TAF1A: variants seen among roughly 807,000 people sequenced by gnomAD.
TAF1A encodes TATA-box binding protein associated factor, RNA polymerase I subunit A.
In TAF1A, 42 loss-of-function variants were observed where a neutral mutation model predicts 61.6. That is an observed-to-expected ratio of 0.68 (90% confidence interval 0.53 to 0.88). The LOEUF is 0.88. Ranked by LOEUF, TAF1A falls within the 40% of genes least tolerant of loss-of-function variation. The pLI is 0.00. For missense variants in TAF1A, 424 were observed against 518.7 expected (o/e 0.82, Z 1.77); for synonymous variants, 179 against 177.7 (o/e 1.01, Z -0.06).
In TAF1A at chr1:222,579,809, TG is replaced by T; in HGVS notation, c.354del (p.Phe118LeufsTer8). On this transcript the variant is annotated frameshift_variant, in exon 4 of 11. Coordinates refer to ENST00000352967, the MANE Select transcript of TAF1A (RefSeq NM_005681.4). LOFTEE classifies it high-confidence loss of function. ...TTTTTCATCCGGTTAGCAAAAGTATTGAAACTCTCCATGTTGCTTTTGGGAT... is the reference window on the plus strand; with the variant it reads ...TTTTTCATCCGGTTAGCAAAAGTATTAAACTCTCCATGTTGCTTTTGGGAT... ...FYHPKSNMES[F>X]NTFANRMKNI... is the part of the protein sequence containing the mutation. The T allele has an allele frequency of 6.2e-7, 1 of 1,612,136 alleles. No homozygotes were observed. The highest frequency in any genetic ancestry group is 8.5e-7 in the Non-Finnish European group (1 of 1,179,516).
chr1:222,557,595 C>T (rs982756975), downstream of TAF1A, among the ~76,000 whole-genome samples: 18 of 149,064 alleles, frequency 1.2e-4, no homozygotes, highest in South Asian at 1.1e-3. Context: ...GGACTACAAG[C>T]GCGCACCACC....
intron 2 of TAF1A, among the ~76,000 whole-genome samples, chr1:222,585,912 T>G (rs1403751357): frequency 6.6e-6 from 1 of 152,152 alleles, no homozygotes; most frequent in Admixed American, 6.5e-5. Context: ...CATTTAAAAA[T>G]ACCAACATGC....
intron 5 of TAF1A, among the ~76,000 whole-genome samples, chr1:222,571,065 C>T (rs78750183): frequency 6.6e-6 from 1 of 152,032 alleles, no homozygotes; most frequent in Non-Finnish European, 1.5e-5. Context: ...ATCTGAAAAT[C>T]AATTAATGCA....
rs919665523 is a variant in TAF1A, at chr1:222,570,471, A to T, written c.735+64T>A. On this transcript the variant is annotated intron_variant, in intron 6 of 10. Coordinates refer to ENST00000352967, the MANE Select transcript of TAF1A (RefSeq NM_005681.4). ...TCTTTCTGATCAATAAAGATTAGGC[A>T]TGCAGTCTTTGTATAGGCTTTTGAC... The T allele has an allele frequency of 4.9e-6, 7 of 1,415,274 alleles. No individual in the cohort carries two copies. The African/African-American group carries it at 1.0e-4, about 20-fold the overall frequency. The allele number at this position is 1,415,274 out of a possible 1,614,324, so 87.7% of individuals were successfully genotyped here. A position where few individuals can be genotyped will look rare whatever the true frequency, so the allele number is the denominator to read the frequency against.
At chr1:222,566,980 C>CG (rs1195306062) in intron 7 of TAF1A, among the ~76,000 whole-genome samples, 1 of 152,176 alleles carries the variant, frequency 6.6e-6, no homozygotes, top group Non-Finnish European at 1.5e-5. Flanking sequence ...GCAGCGAACT[C>CG]CAACAAATAC....
chr1:222,585,268 C>A (rs1660963920), intron 2 of TAF1A, among the ~76,000 whole-genome samples: 1 of 151,926 alleles, frequency 6.6e-6, no homozygotes, highest in Non-Finnish European at 1.5e-5. Flanking sequence ...ATTCACAGAC[C>A]TGATACACGG....
chr1:222,564,014 C>A, intron 8 of TAF1A, 45 bp downstream of exon 8: 1 of 1,224,384 alleles, frequency 8.2e-7, no homozygotes, highest in South Asian at 1.2e-5. Flanking sequence ...GGTCCCTAGT[C>A]TATAGCTTGT....
At chr1:222,554,621 T>G (rs181566844), downstream of TAF1A, among the ~76,000 whole-genome samples, 776 of 152,324 alleles carry the variant, frequency 5.1e-3, 33 homozygotes, top group Admixed American at 0.045. Context: ...TTGCTTTTCC[T>G]TTTTCAAAAA....
chr1:222,565,124 T>C (rs1462189991), intron 7 of TAF1A, among the ~76,000 whole-genome samples: 1 of 152,236 alleles, frequency 6.6e-6, no homozygotes, highest in Non-Finnish European at 1.5e-5. Flanking sequence ...ATCCTCCATT[T>C]GTTTTGAAAA....
chr1:222,585,345 C>T (rs1162409374), intron 2 of TAF1A, among the ~76,000 whole-genome samples: 1 of 149,630 alleles, frequency 6.7e-6, no homozygotes, highest in Non-Finnish European at 1.5e-5. Flanking sequence ...GAATTTATGT[C>T]AATTAAAAAA....
At chr1:222,588,612 C>T (rs202222135) in intron 1 of TAF1A, 47 bp from the exon 2 acceptor site, 1 of 1,593,626 alleles carries the variant, frequency 6.3e-7, no homozygotes, top group East Asian at 2.2e-5. Context: ...TCTTAATCCA[C>T]AGTCTTCTGA....
At position 222,588,444 on chromosome 1, in the gene TAF1A, C is replaced by T. The variant is rs776262005; in HGVS notation, c.120G>A (p.Val40=). ...FPWLQTYVET[V]AIGGKRRKDF... Reference sequence around the variant, plus strand: ...GCTCAATGTTATTATTTTACTTACCCACAGTTTCTACGTATGTTTGAAGCC... The same window carrying T: ...GCTCAATGTTATTATTTTACTTACCTACAGTTTCTACGTATGTTTGAAGCC... The change falls in exon 2 of 11, where the codon GTG becomes GTA. Residue 40 remains valine, a splice_region_variant and synonymous_variant. Transcript: ENST00000352967. The T allele has an allele frequency of 3.1e-6, 5 of 1,611,970 alleles. No individual in the cohort carries two copies. The highest frequency in any genetic ancestry group is 1.1e-5 in the South Asian group (1 of 90,532).
chr1:222,563,123 G>C (rs528600804), intron 9 of TAF1A, 50 bp downstream of exon 9: 1 of 1,468,048 alleles, frequency 6.8e-7, no homozygotes, highest in Admixed American at 2.2e-5. Flanking sequence ...CTAAAATATT[G>C]GGAAATATTA....
At chr1:222,560,618 A>G (rs1659874973) in intron 10 of TAF1A, among the ~76,000 whole-genome samples, 1 of 152,344 alleles carries the variant, frequency 6.6e-6, no homozygotes, top group Middle Eastern at 3.4e-3. Flanking sequence ...TTCTTAATCA[A>G]CATTGTATTA....
intron 4 of TAF1A, among the ~76,000 whole-genome samples, chr1:222,577,922 T>C (rs1005571416): frequency 1.3e-5 from 2 of 152,212 alleles, no homozygotes; most frequent in African/African-American, 4.8e-5. Flanking sequence ...TCTTGGTTCA[T>C]ACACCACTTA....
At chr1:222,568,124 C>T (rs1159905755) in intron 7 of TAF1A, among the ~76,000 whole-genome samples, 2 of 144,324 alleles carry the variant, frequency 1.4e-5, no homozygotes, top group East Asian at 4.1e-4. Flanking sequence ...ACACTACCCA[C>T]AAAAAAATAG....
At chr1:222,560,073 C>T (rs1046113592) in intron 10 of TAF1A, among the ~76,000 whole-genome samples, 3 of 152,032 alleles carry the variant, frequency 2.0e-5, no homozygotes, top group Non-Finnish European at 2.9e-5. Context: ...AAGGAAAGAC[C>T]CCTCCAAGGA....
chr1:222,572,522 T>TAA (rs1271803143), intron 5 of TAF1A, among the ~76,000 whole-genome samples: 1 of 152,126 alleles, frequency 6.6e-6, no homozygotes, highest in Non-Finnish European at 1.5e-5. Context: ...CACACTCAGC[T>TAA]AATTTTTGTA....
At chr1:222,557,877 TTTG>T (rs1243239750), downstream of TAF1A, 3 of 125,518 alleles carry the variant, frequency 2.4e-5, no homozygotes, top group African/African-American at 9.3e-5. Context: ...AAAGAGTCTT[TTTG>T]TTTTTTTTTT....
Sources: allele counts gnomAD v4.1 joint callset (sites outside exome capture counted in the v4.1 genomes callset), GRCh38; gene constraint gnomAD v4.1.1; transcripts MANE v1.5; gene names NCBI Gene and HGNC (gene_info 2026-07-23, HGNC 2026-07-21).